The following STK31 variants were observed in gnomAD, a reference collection of about 807,000 sequenced individuals.
STK31 encodes the protein serine/threonine kinase 31, also known as serine/threonine-protein kinase 31.
Under a neutral mutation model 129.7 loss-of-function variants are expected in STK31, and 89 were observed. The ratio of observed to expected loss-of-function variants is 0.69; its 90% CI spans 0.58 to 0.82. The LOEUF (loss-of-function observed/expected upper bound fraction) is 0.82, where lower values mean the gene tolerates loss of function less well. STK31 is among the 40% of genes least tolerant of loss of function. The pLI is 0.00. For synonymous variants in STK31, 448 were observed against 395.3 expected (o/e 1.13, Z -1.58); for missense variants, 1,187 against 1,176.4 (o/e 1.01, Z -0.13).
chr7:23,772,285 A>G lies in STK31; in HGVS notation c.1965+7A>G, dbSNP rs556493449. The G allele has an allele frequency of 1.2e-6, 2 of 1,600,302 alleles. No individual in the cohort carries two copies. Among genetic ancestry groups the G allele is most frequent in the Admixed American group, 1.8e-5 (1 of 56,068 alleles). Reference sequence around the variant, plus strand: ...AAAGAGTAATTTGGAAGAGGTAAGGAAACAGTTGTTTCTTACTGATCTTTA... The same window carrying G: ...AAAGAGTAATTTGGAAGAGGTAAGGGAACAGTTGTTTCTTACTGATCTTTA... On this transcript the variant is annotated splice_region_variant and intron_variant, in intron 15 of 23. Transcript: ENST00000355870.
At chr7:23,743,319 T>C (rs2128086144) in intron 8 of STK31, among the ~76,000 whole-genome samples, 1 of 152,324 alleles carries the variant, frequency 6.6e-6, no homozygotes, top group South Asian at 2.1e-4. Flanking sequence ...AAGCATCTCT[T>C]GTAGGGATGG....
At chr7:23,748,092 C>T (rs1788469621) in intron 8 of STK31, among the ~76,000 whole-genome samples, 2 of 152,162 alleles carry the variant, frequency 1.3e-5, no homozygotes, top group South Asian at 4.1e-4. Flanking sequence ...CATTTCAATG[C>T]TGTAAATTTT....
chr7:23,720,812 A>G (rs953413138), intron 4 of STK31, among the ~76,000 whole-genome samples: 3 of 152,122 alleles, frequency 2.0e-5, no homozygotes, highest in Admixed American at 6.6e-5. Flanking sequence ...TTGTACCCAT[A>G]TATTACCCCG....
chr7:23,823,558 T>C (rs1023597235), intron 23 of STK31, among the ~76,000 whole-genome samples: 1 of 152,224 alleles, frequency 6.6e-6, no homozygotes, highest in Non-Finnish European at 1.5e-5. Flanking sequence ...GCTTGTTCAC[T>C]CTGATGGTGG....
intron 5 of STK31, among the ~76,000 whole-genome samples, chr7:23,728,048 G>GTGGTGAGTTTTCTT (rs1787193407): frequency 7.3e-6 from 1 of 137,804 alleles, no homozygotes; most frequent in African/African-American, 2.7e-5. Context: ...TGGGTTAAAT[G>GTGGTGAGTTTTCTT]TGGTGAGTTT....
intron 15 of STK31, among the ~76,000 whole-genome samples, chr7:23,778,934 A>T (rs1324110746): frequency 1.3e-5 from 2 of 151,306 alleles, no homozygotes; most frequent in Non-Finnish European, 2.9e-5. Flanking sequence ...TGAAATTTTC[A>T]CCCTTTTTGT....
At chr7:23,763,010 G>T (rs1584403754) in intron 11 of STK31, 87 bp downstream of exon 11, 1 of 1,198,814 alleles carries the variant, frequency 8.3e-7, no homozygotes, top group South Asian at 2.0e-5. Flanking sequence ...ACTTTAGATT[G>T]TTCTGTGATG....
Position 23,815,101 on chromosome 7 carries a change from A to G in STK31, c.2761-43A>G, listed in dbSNP as rs1793390731. On this transcript the variant is annotated intron_variant, in intron 22 of 23. Transcript: ENST00000355870. ...AGTTGACTCTTCTATAGATTGGCGT[A>G]TTAATACATTGGACATTTATTCATT... 5.5e-6 allele frequency: 8 copies of G among 1,459,738 alleles called. No homozygotes were observed. In the East Asian group the frequency reaches 1.9e-4, roughly 34 times the overall value. The allele number at this position is 1,459,738 out of a possible 1,614,324, so 90.4% of individuals were successfully genotyped here. A position where few individuals can be genotyped will look rare whatever the true frequency, so the allele number is the denominator to read the frequency against.
chr7:23,753,665 A>G (rs545834883), intron 9 of STK31, among the ~76,000 whole-genome samples: 1 of 152,342 alleles, frequency 6.6e-6, no homozygotes, highest in East Asian at 1.9e-4. Context: ...GGCGCTTCTT[A>G]GAATTTTCGC....
At chr7:23,739,630 C>G (rs989660521) in intron 8 of STK31, among the ~76,000 whole-genome samples, 1 of 152,092 alleles carries the variant, frequency 6.6e-6, no homozygotes, top group African/African-American at 2.4e-5. Flanking sequence ...GTCTTTAATC[C>G]ATCTTGAGTT....
chr7:23,798,718 C>G (rs12700478), intron 22 of STK31, among the ~76,000 whole-genome samples: 70,759 of 151,980 alleles, frequency 0.47, 16,931 homozygotes, highest in Admixed American at 0.55. Flanking sequence ...CTCACCACTC[C>G]TATTTAACAT....
chr7:23,714,992 G>T (rs944354986), intron 3 of STK31, among the ~76,000 whole-genome samples: 9 of 152,132 alleles, frequency 5.9e-5, no homozygotes, highest in African/African-American at 2.2e-4. Context: ...TGAAGTTGAG[G>T]CTCTTGTAGA....
At chr7:23,736,811 T>C (rs1327220363) in intron 7 of STK31, 93 bp from the exon 8 acceptor site, 1 of 990,302 alleles carries the variant, frequency 1.0e-6, no homozygotes, top group Non-Finnish European at 1.4e-6. Context: ...TTCAGATATA[T>C]TGTGGCATAA....
At chr7:23,719,789 G>A (rs568484932) in intron 4 of STK31, among the ~76,000 whole-genome samples, 17 of 152,216 alleles carry the variant, frequency 1.1e-4, no homozygotes, top group African/African-American at 4.1e-4. Flanking sequence ...TTTTAGGTGT[G>A]TGGAATTATT....
chr7:23,745,235 C>T (rs977670324), intron 8 of STK31, among the ~76,000 whole-genome samples: 1 of 151,820 alleles, frequency 6.6e-6, no homozygotes, highest in African/African-American at 2.4e-5. Flanking sequence ...ATACCCAGGG[C>T]CTTGGGTGGT....
At chr7:23,778,817 TC>T (rs1217592815) in intron 15 of STK31, among the ~76,000 whole-genome samples, 3 of 152,252 alleles carry the variant, frequency 2.0e-5, no homozygotes, top group African/African-American at 7.2e-5. Flanking sequence ...TTACCCACCT[TC>T]TGAAGCCTAC....
At chr7:23,793,223 T>C (rs1328677650) in intron 22 of STK31, among the ~76,000 whole-genome samples, 2 of 152,262 alleles carry the variant, frequency 1.3e-5, no homozygotes, top group Non-Finnish European at 2.9e-5. Flanking sequence ...TTGATTCATT[T>C]CTTATACCAT....
intron 4 of STK31, chr7:23,721,662 C>A (rs1408799486): frequency 6.1e-6 from 5 of 817,018 alleles, no homozygotes; most frequent in Admixed American, 1.7e-5. Context: ...GGATTCCTGA[C>A]AGCACAGGGA....
intron 9 of STK31, among the ~76,000 whole-genome samples, 195 bp downstream of exon 9, chr7:23,753,027 G>A (rs1788814200): frequency 6.6e-6 from 1 of 152,118 alleles, no homozygotes. Context: ...GTCACTGCTT[G>A]GAGCTAGAGT....
Sources: gnomAD v4.1 joint callset for allele counts (sites outside exome capture counted in the v4.1 genomes callset) on GRCh38, gnomAD v4.1.1 for gene constraint, MANE v1.5 for transcripts, NCBI Gene and HGNC (gene_info 2026-07-23, HGNC 2026-07-21) for gene names.